Variants in MXI1 observed in about 807,000 individuals in gnomAD.
MXI1 encodes the protein MAX interactor 1, dimerization protein.
A neutral mutation model predicts 36.9 loss-of-function variants in MXI1; 18 were observed. The observed-to-expected ratio is 0.49, with a 90% CI of 0.34 to 0.72. The LOEUF (loss-of-function observed/expected upper bound fraction) is 0.72. MXI1 is among the 30% of genes least tolerant of loss of function. The probability of loss-of-function intolerance (pLI) is 0.01; values close to 1 mark genes in which losing one functional copy is unlikely to be tolerated. For synonymous variants in MXI1, 160 were observed against 146.7 expected, an observed-to-expected ratio of 1.09 and a Z score of -0.65; for missense variants, 304 against 379.1, an observed-to-expected ratio of 0.80 and a Z score of 1.64.
intron 3 of MXI1, among the ~76,000 whole-genome samples, chr10:110,259,062 A>T (rs1205047738): frequency 6.6e-6 from 1 of 152,168 alleles, no homozygotes; most frequent in Non-Finnish European, 1.5e-5. Context: ...CTGTAACTTG[A>T]AATTCAGCTT....
At chr10:110,256,378 C>T (rs893600079) in intron 3 of MXI1, among the ~76,000 whole-genome samples, 8 of 151,052 alleles carry the variant, frequency 5.3e-5, no homozygotes, top group Non-Finnish European at 8.9e-5. Flanking sequence ...CTGAGGTGGG[C>T]GGATCACCTG....
At chr10:110,211,013 G>T (rs941602360) in intron 1 of MXI1, among the ~76,000 whole-genome samples, 1 of 152,080 alleles carries the variant, frequency 6.6e-6, no homozygotes, top group African/African-American at 2.4e-5. Flanking sequence ...AAGGAAGCAG[G>T]GACCCTAGCT....
chr10:110,239,900 C>A (rs569920234), intron 2 of MXI1, among the ~76,000 whole-genome samples: 1 of 151,918 alleles, frequency 6.6e-6, no homozygotes, highest in African/African-American at 2.4e-5. Flanking sequence ...CTTTTCCAGT[C>A]ACTGTCACCC....
intron 3 of MXI1, chr10:110,261,106 A>G (rs1418102367): frequency 2.0e-6 from 2 of 985,110 alleles, no homozygotes; most frequent in Non-Finnish European, 2.4e-6. Flanking sequence ...CTCATCTAAA[A>G]TATTTGTCTA....
chr10:110,279,375 C>A, intron 4 of MXI1, 81 bp downstream of exon 4: 1 of 1,173,568 alleles, frequency 8.5e-7, no homozygotes, highest in Non-Finnish European at 1.3e-6. Flanking sequence ...TCATATACAT[C>A]AGCTAGTTCA....
chr10:110,233,877 G>T (rs551303926), intron 2 of MXI1, among the ~76,000 whole-genome samples: 1 of 152,192 alleles, frequency 6.6e-6, no homozygotes. Context: ...AAACTTGTAT[G>T]ATCATGCCTT....
In MXI1 at chr10:110,253,646, G is replaced by T. The variant is rs1475248999; in HGVS notation, c.437+8789G>T. On this transcript the variant is annotated intron_variant, in intron 3 of 5. Coordinates refer to ENST00000332674, the MANE Select transcript of MXI1 (RefSeq NM_130439.3). The stretch of plus-strand genomic sequence containing the variant: ...AGGGTATTTGCTTGCATTAAAGTCA[G>T]GTTGCAGGGTTAGGGAAGTCAAACT... Among the ~76,000 whole-genome samples, 4 of 152,100 alleles carry T rather than the reference G, an allele frequency of 2.6e-5. No homozygotes were observed. In the South Asian group the frequency reaches 6.2e-4, roughly 24 times the overall value.
At chr10:110,230,371 G>A (rs544696347) in intron 2 of MXI1, among the ~76,000 whole-genome samples, 41 of 152,190 alleles carry the variant, frequency 2.7e-4, no homozygotes, top group South Asian at 1.2e-3. Flanking sequence ...ATAGCATGTC[G>A]GAAAATTTGT....
In MXI1 at chr10:110,207,689, G is replaced by C. The variant is rs1261835442; in HGVS notation, c.-120G>C. 1.2e-5 allele frequency: 6 copies of C among 520,036 alleles called. No homozygotes were observed. In the East Asian group the frequency reaches 7.6e-4, roughly 66 times the overall value. The allele number at this position is 520,036 out of a possible 1,614,324, so 32.2% of individuals were successfully genotyped here. ...CAGGCAGCGAGGCTCGGGAAGTCAG[G>C]CCGGCTTTTCGCCCCGGCGCCTTCT... On this transcript the variant is annotated 5_prime_UTR_variant, in exon 1 of 6. Transcript: ENST00000332674.
At chr10:110,235,947 C>A (rs941159484) in intron 2 of MXI1, among the ~76,000 whole-genome samples, 1 of 151,908 alleles carries the variant, frequency 6.6e-6, no homozygotes, top group African/African-American at 2.4e-5. Context: ...GTGGAGTCTA[C>A]AGTGAGTTGA....
chr10:110,209,759 T>C (rs909166761), intron 1 of MXI1, among the ~76,000 whole-genome samples: 7 of 152,076 alleles, frequency 4.6e-5, no homozygotes, highest in Non-Finnish European at 7.4e-5. Flanking sequence ...TGGTTTTGTT[T>C]GGTGTGTTTG....
At chr10:110,271,167 T>TG (rs959326881) in intron 3 of MXI1, among the ~76,000 whole-genome samples, 13 of 152,100 alleles carry the variant, frequency 8.5e-5, no homozygotes, top group African/African-American at 2.7e-4. Flanking sequence ...TAGACATCTT[T>TG]GGTGGTATGC....
chr10:110,279,865 T>C (rs1857172661), intron 4 of MXI1, 49 bp from the exon 5 acceptor site: 1 of 1,397,130 alleles, frequency 7.2e-7, no homozygotes, highest in Non-Finnish European at 9.6e-7. Context: ...TCAGTTTTAT[T>C]GTTTGTACTG....
At chr10:110,257,775 G>A (rs955150139) in intron 3 of MXI1, 5 of 320,608 alleles carry the variant, frequency 1.6e-5, no homozygotes, top group Admixed American at 1.0e-4. Context: ...ATCCAGAGAC[G>A]CGTACTTTAT....
intron 3 of MXI1, chr10:110,261,055 A>G: frequency 3.0e-6 from 3 of 985,110 alleles, no homozygotes; most frequent in Non-Finnish European, 3.6e-6. Context: ...CCAGGAGGAA[A>G]GAGCACACTG....
chr10:110,244,456 A>G (rs561540338), intron 2 of MXI1, among the ~76,000 whole-genome samples: 2 of 151,834 alleles, frequency 1.3e-5, no homozygotes, highest in African/African-American at 4.8e-5. Flanking sequence ...ACATGGAAGT[A>G]CACCCACTTT....
chr10:110,280,969 C>A (rs1025473429), intron 5 of MXI1, among the ~76,000 whole-genome samples: 3 of 152,182 alleles, frequency 2.0e-5, no homozygotes, highest in African/African-American at 7.2e-5. Flanking sequence ...GAGGTGAACA[C>A]TGGTGATTTG....
intron 3 of MXI1, among the ~76,000 whole-genome samples, chr10:110,268,100 A>G (rs1322525091): frequency 6.6e-6 from 1 of 152,236 alleles, no homozygotes; most frequent in Non-Finnish European, 1.5e-5. Context: ...TACTTAGGCG[A>G]GAGAGCCACA....
chr10:110,274,830 T>A (rs1032927253), intron 3 of MXI1, among the ~76,000 whole-genome samples: 2 of 151,466 alleles, frequency 1.3e-5, no homozygotes, highest in Admixed American at 6.6e-5. Context: ...TTGAAAAACA[T>A]CATCATATGA....
Sources: gnomAD v4.1 joint callset for allele counts (sites outside exome capture counted in the v4.1 genomes callset) on GRCh38, gnomAD v4.1.1 for gene constraint, MANE v1.5 for transcripts, NCBI Gene and HGNC (gene_info 2026-07-23, HGNC 2026-07-21) for gene names.